The following IL1R1 variants were observed in gnomAD, a reference collection of about 807,000 sequenced individuals.
IL1R1 encodes the protein interleukin 1 receptor type 1, also known as interleukin-1 receptor type 1.
In IL1R1, 22 loss-of-function variants were observed where a neutral mutation model predicts 50.2. The observed-to-expected ratio is 0.44, with a 90% CI of 0.31 to 0.63. IL1R1 has a LOEUF of 0.63. Ranked by LOEUF, IL1R1 falls within the 20% of genes least tolerant of loss-of-function variation. IL1R1 has a pLI of 0.07. For missense variants in IL1R1, 509 were observed against 676.2 expected (o/e 0.75, Z 2.74); for synonymous variants, 251 against 236.7 (o/e 1.06, Z -0.55).
chr2:102,127,919 A>G (rs539847642), intron 1 of IL1R1, among the ~76,000 whole-genome samples: 36 of 152,302 alleles, frequency 2.4e-4, no homozygotes, highest in African/African-American at 8.2e-4. Context: ...TTCTGAGTTT[A>G]CGTAAAGAAT....
intron 3 of IL1R1, 31 bp downstream of exon 3, chr2:102,157,816 T>G: frequency 7.0e-7 from 1 of 1,421,706 alleles, no homozygotes; most frequent in Non-Finnish European, 9.9e-7. Context: ...TGTTCTTGTC[T>G]GCTAAGAAAA....
At chr2:102,084,061 C>T (rs544003220) in intron 1 of IL1R1, among the ~76,000 whole-genome samples, 46 of 152,300 alleles carry the variant, frequency 3.0e-4, no homozygotes, top group African/African-American at 1.1e-3. Flanking sequence ...GAATCTCTTG[C>T]GACTCTGAAT....
intron 1 of IL1R1, among the ~76,000 whole-genome samples, chr2:102,119,577 A>G (rs1681288995): frequency 6.6e-6 from 1 of 152,230 alleles, no homozygotes; most frequent in Non-Finnish European, 1.5e-5. Context: ...AGAGTCTTAA[A>G]CAAAAGTTAC....
In IL1R1 at chr2:102,085,914, G is replaced by A. The variant is rs1015939859; in HGVS notation, c.-84+15381G>A. Among the ~76,000 whole-genome samples the A allele has an allele frequency of 2.0e-5, 3 of 152,058 alleles. No homozygotes were observed. The East Asian group carries it at 5.8e-4, about 29-fold the overall frequency. On this transcript the variant is annotated intron_variant, in intron 1 of 11. Coordinates refer to the IL1R1 transcript ENST00000409929. ...AATTTTTAAAATTTTTCAGTGTAGG[G>A]AACTTACATGTTTTTCATATTTTCA...
chr2:102,093,727 A>G (rs552766566), intron 1 of IL1R1, among the ~76,000 whole-genome samples: 148 of 152,286 alleles, frequency 9.7e-4, no homozygotes, highest in African/African-American at 3.5e-3. Context: ...AGTTCTTTAC[A>G]TATTCTGGAT....
chr2:102,110,249 A>G (rs1680673956), intron 1 of IL1R1, among the ~76,000 whole-genome samples: 1 of 152,112 alleles, frequency 6.6e-6, no homozygotes, highest in Non-Finnish European at 1.5e-5. Context: ...TCTGCCTCTT[A>G]ATGGACAGTT....
At chr2:102,100,735 G>T (rs1357410384), upstream of IL1R1, among the ~76,000 whole-genome samples, 1 of 152,030 alleles carries the variant, frequency 6.6e-6, no homozygotes, top group Non-Finnish European at 1.5e-5. Context: ...TCCTTCATCT[G>T]TGCTTGCAAA....
intron 1 of IL1R1, among the ~76,000 whole-genome samples, chr2:102,114,600 C>T (rs554214666): frequency 6.6e-6 from 1 of 152,310 alleles, no homozygotes; most frequent in South Asian, 2.1e-4. Flanking sequence ...TACATTTTTG[C>T]TATTGTGATA....
At chr2:102,086,372 T>C (rs1158282562) in intron 1 of IL1R1, among the ~76,000 whole-genome samples, 5 of 152,198 alleles carry the variant, frequency 3.3e-5, no homozygotes, top group Non-Finnish European at 7.4e-5. Flanking sequence ...TCTCAGGATA[T>C]TTTCTTTATC....
At chr2:102,175,922 G>T (rs1428020585) in intron 11 of IL1R1, 1 of 548,830 alleles carries the variant, frequency 1.8e-6, no homozygotes. Flanking sequence ...TTAAACAGGA[G>T]TGGTAGAGAT....
chr2:102,154,171 G>A (rs1315667103), intron 2 of IL1R1, among the ~76,000 whole-genome samples, 154 bp downstream of exon 2: 2 of 152,184 alleles, frequency 1.3e-5, no homozygotes, highest in Non-Finnish European at 2.9e-5. Context: ...GGGGCAGCTT[G>A]ATGGTTTTAT....
chr2:102,171,770 A>T, intron 7 of IL1R1, 31 bp from the exon 8 acceptor site: 2 of 1,270,130 alleles, frequency 1.6e-6, no homozygotes, highest in Non-Finnish European at 2.3e-6. Context: ...AAAATCAATT[A>T]ATGTTAAGAT....
intron 5 of IL1R1, 64 bp downstream of exon 5, chr2:102,165,368 G>C (rs1685096014): frequency 1.2e-6 from 1 of 826,092 alleles, no homozygotes; most frequent in Admixed American, 3.2e-5. Flanking sequence ...CTGGACAATA[G>C]AATGTATCTG....
chr2:102,176,888 T>G lies in IL1R1; in HGVS notation c.*129T>G. 1.1e-6 allele frequency: 1 copy of G among 869,850 alleles called. No individual in the cohort carries two copies. Among genetic ancestry groups the G allele is most frequent in the Non-Finnish European group, 1.8e-6 (1 of 555,834 alleles). The allele number at this position is 869,850 out of a possible 1,614,324, so 53.9% of individuals were successfully genotyped here. ...ATCATCCTTTATCCCTGAGGTCACC[T>G]GGAATCAGATTATTAAGGGAATAAG... On this transcript the variant is annotated 3_prime_UTR_variant, in exon 12 of 12. Transcript: ENST00000410023.
At chr2:102,087,086 T>C (rs2104302119) in intron 1 of IL1R1, among the ~76,000 whole-genome samples, 2 of 152,344 alleles carry the variant, frequency 1.3e-5, no homozygotes, top group East Asian at 3.9e-4. Flanking sequence ...GTTTACACTA[T>C]ACTGTAGTCT....
At chr2:102,086,867 C>T (rs1679453596) in intron 1 of IL1R1, among the ~76,000 whole-genome samples, 1 of 152,128 alleles carries the variant, frequency 6.6e-6, no homozygotes, top group Non-Finnish European at 1.5e-5. Context: ...TGGACCTACT[C>T]AGAGTGACCT....
intron 6 of IL1R1, 79 bp downstream of exon 6, chr2:102,166,360 C>T: frequency 8.8e-7 from 1 of 1,131,246 alleles, no homozygotes; most frequent in Non-Finnish European, 1.2e-6. Context: ...CTTTCATTAT[C>T]CATGAAGAAA....
intron 1 of IL1R1, among the ~76,000 whole-genome samples, chr2:102,133,245 A>AAAG (rs750448922): frequency 1.6e-5 from 1 of 63,892 alleles, no homozygotes; most frequent in African/African-American, 3.2e-5. Flanking sequence ...CTCTGTCTCA[A>AAAG]AAAAAAAAAA....
At chr2:102,101,740 T>A (rs541141027), upstream of IL1R1, among the ~76,000 whole-genome samples, 1 of 152,350 alleles carries the variant, frequency 6.6e-6, no homozygotes, top group South Asian at 2.1e-4. Context: ...TCAAAGACCA[T>A]GTTACTGATA....
Sources: gnomAD v4.1 joint callset for allele counts (sites outside exome capture counted in the v4.1 genomes callset) on GRCh38, gnomAD v4.1.1 for gene constraint, MANE v1.5 for transcripts, NCBI Gene and HGNC (gene_info 2026-07-23, HGNC 2026-07-21) for gene names.